The following GPC5 variants were observed in gnomAD, a reference collection of about 807,000 sequenced individuals.
The protein encoded by GPC5 is glypican 5.
A neutral mutation model predicts 53.9 loss-of-function variants in GPC5; 47 were observed. That is an observed-to-expected ratio of 0.87 (90% confidence interval 0.69 to 1.11). The LOEUF (loss-of-function observed/expected upper bound fraction) is 1.11. Among genes scored for constraint, GPC5 ranks in the 50% most tolerant of loss-of-function variants. The pLI is 0.00. For missense variants in GPC5, 748 were observed against 713.1 expected, an observed-to-expected ratio of 1.05 and a Z score of -0.56; for synonymous variants, 286 against 263.3, an observed-to-expected ratio of 1.09 and a Z score of -0.84.
At chr13:92,056,737 A>G (rs1319723176) in intron 6 of GPC5, among the ~76,000 whole-genome samples, 1 of 152,080 alleles carries the variant, frequency 6.6e-6, no homozygotes, top group Non-Finnish European at 1.5e-5. Context: ...TTGTTTGCTT[A>G]TTTCTTTGTT....
chr13:92,295,407 A>G (rs1388128713), intron 7 of GPC5, among the ~76,000 whole-genome samples: 1 of 152,074 alleles, frequency 6.6e-6, no homozygotes, highest in Non-Finnish European at 1.5e-5. Context: ...CAATTTTTTA[A>G]AATTTATTGA....
chr13:92,270,867 A>C (rs1008348243), intron 7 of GPC5, among the ~76,000 whole-genome samples: 54 of 152,294 alleles, frequency 3.5e-4, no homozygotes, highest in Non-Finnish European at 6.8e-4. Flanking sequence ...ACAGCCTTGG[A>C]TCTCTTCTAT....
At chr13:91,503,245 T>A (rs1346132996) in intron 2 of GPC5, among the ~76,000 whole-genome samples, 1 of 152,094 alleles carries the variant, frequency 6.6e-6, no homozygotes, top group Non-Finnish European at 1.5e-5. Flanking sequence ...TGATGAGAGA[T>A]TATGTCTTTA....
chr13:91,626,448 G>T (rs9589315), intron 2 of GPC5, among the ~76,000 whole-genome samples: 39,445 of 151,848 alleles, frequency 0.26, 6,718 homozygotes, highest in African/African-American at 0.49. Context: ...AGGGTTTCTT[G>T]TGAAGGTCAA....
intron 5 of GPC5, among the ~76,000 whole-genome samples, chr13:91,815,650 G>A (rs1450167535): frequency 6.6e-6 from 1 of 152,068 alleles, no homozygotes; most frequent in Admixed American, 6.6e-5. Flanking sequence ...GACACCACCA[G>A]GCTCAGCTCT....
At chr13:91,725,356 C>T (rs1014980551) in intron 3 of GPC5, among the ~76,000 whole-genome samples, 3 of 152,020 alleles carry the variant, frequency 2.0e-5, no homozygotes, top group South Asian at 2.1e-4. Flanking sequence ...AAATTGTCAA[C>T]GTAAGTGTGA....
chr13:92,567,889 T>C (rs991808916), intron 7 of GPC5, among the ~76,000 whole-genome samples: 1 of 152,152 alleles, frequency 6.6e-6, no homozygotes, highest in South Asian at 2.1e-4. Flanking sequence ...AACTAATACA[T>C]TGGTTTCTTG....
chr13:92,143,797 T>C (rs368111578), intron 6 of GPC5, among the ~76,000 whole-genome samples: 1 of 152,268 alleles, frequency 6.6e-6, no homozygotes, highest in East Asian at 1.9e-4. Flanking sequence ...TTCTTCAGTA[T>C]AAAATGCTGT....
At chr13:92,269,375 T>A (rs536234383) in intron 7 of GPC5, among the ~76,000 whole-genome samples, 13 of 151,884 alleles carry the variant, frequency 8.6e-5, no homozygotes, top group African/African-American at 2.9e-4. Flanking sequence ...ATAGTAGCTT[T>A]ATTTTTTTAG....
intron 7 of GPC5, among the ~76,000 whole-genome samples, chr13:92,427,121 A>C (rs532874080): frequency 1.1e-4 from 17 of 151,922 alleles, no homozygotes; most frequent in Admixed American, 3.3e-4. Flanking sequence ...TTACCCAAGG[A>C]ATAGCAATCA....
chr13:92,406,955 T>G (rs1875821285), intron 7 of GPC5, among the ~76,000 whole-genome samples: 2 of 152,226 alleles, frequency 1.3e-5, no homozygotes, highest in Non-Finnish European at 2.9e-5. Flanking sequence ...TTTTTAAATC[T>G]AATTAGTAGT....
At chr13:92,758,238 A>C (rs1426475602) in intron 7 of GPC5, among the ~76,000 whole-genome samples, 2 of 143,916 alleles carry the variant, frequency 1.4e-5, no homozygotes, top group Admixed American at 7.0e-5. Flanking sequence ...AAGAACAAAA[A>C]ACCAAACACC....
intron 2 of GPC5, among the ~76,000 whole-genome samples, chr13:91,454,956 C>T (rs1566413591): frequency 6.6e-6 from 1 of 152,008 alleles, no homozygotes; most frequent in Non-Finnish European, 1.5e-5. Context: ...GACTCTTGAA[C>T]GCTACTTATG....
At chr13:91,439,993 AC>A (rs1312005175) in intron 1 of GPC5, among the ~76,000 whole-genome samples, 15 of 152,148 alleles carry the variant, frequency 9.9e-5, no homozygotes. Flanking sequence ...CCCTTTGTTT[AC>A]ATCCTGAGAT....
intron 2 of GPC5, among the ~76,000 whole-genome samples, chr13:91,520,759 T>C (rs1247644441): frequency 6.6e-6 from 1 of 151,810 alleles, no homozygotes; most frequent in East Asian, 1.9e-4. Context: ...TATGTTTTGT[T>C]TCTCTGGAGT....
chr13:92,072,781 G>A (rs1226422737), intron 6 of GPC5, among the ~76,000 whole-genome samples: 1 of 151,702 alleles, frequency 6.6e-6, no homozygotes, highest in Admixed American at 6.6e-5. Context: ...ATGTTGGCCA[G>A]GCTGGTCTTG....
chr13:92,339,926 C>T (rs546067686), intron 7 of GPC5: 3 of 151,974 alleles, frequency 2.0e-5, no homozygotes, highest in Non-Finnish European at 2.9e-5. Context: ...AATGCACACA[C>T]GTAAACTTTC....
At chr13:91,861,346 C>T (rs1260249298) in intron 5 of GPC5, among the ~76,000 whole-genome samples, 2 of 152,150 alleles carry the variant, frequency 1.3e-5, no homozygotes, top group East Asian at 1.9e-4. Context: ...TTATCTATTT[C>T]TCCCTTCAGT....
intron 6 of GPC5, among the ~76,000 whole-genome samples, chr13:92,104,253 T>A (rs891720270): frequency 3.3e-5 from 5 of 152,122 alleles, no homozygotes; most frequent in African/African-American, 1.2e-4. Context: ...GGGGTTTGTT[T>A]TGAAGGCTAC....
Sources: allele counts gnomAD v4.1 joint callset (sites outside exome capture counted in the v4.1 genomes callset), GRCh38; gene constraint gnomAD v4.1.1; transcripts MANE v1.5; gene names NCBI Gene and HGNC (gene_info 2026-07-23, HGNC 2026-07-21).